SNTG2: variants seen among roughly 807,000 people sequenced by gnomAD.
The protein encoded by SNTG2 is gamma-2-syntrophin.
Under a neutral mutation model 70.9 loss-of-function variants are expected in SNTG2, and 74 were observed. That is an observed-to-expected ratio of 1.04 (90% CI 0.86 to 1.27). The LOEUF (loss-of-function observed/expected upper bound fraction) is 1.27. Ranked by LOEUF, SNTG2 falls within the 50% of genes most tolerant of loss-of-function variation. The pLI is 0.00. For synonymous variants in SNTG2, 278 were observed against 273.8 expected, an observed-to-expected ratio of 1.02 and a Z score of -0.15; for missense variants, 717 against 690.7, an observed-to-expected ratio of 1.04 and a Z score of -0.43.
chr2:1,276,227 T>C (rs138660920), intron 14 of SNTG2, among the ~76,000 whole-genome samples: 1,572 of 152,364 alleles, frequency 0.01, 14 homozygotes, highest in Admixed American at 0.021. Context: ...ACAATAGATT[T>C]TCCATGTAGA....
intron 2 of SNTG2, among the ~76,000 whole-genome samples, chr2:1,095,073 G>A (rs1665300342): frequency 6.6e-6 from 1 of 152,112 alleles, no homozygotes; most frequent in South Asian, 2.1e-4. Flanking sequence ...GAGAGAAAGA[G>A]CAAGAGAGAA....
intron 11 of SNTG2, among the ~76,000 whole-genome samples, chr2:1,243,485 G>T (rs1486969933): frequency 6.6e-6 from 1 of 152,168 alleles, no homozygotes; most frequent in Non-Finnish European, 1.5e-5. Context: ...GCTTGCTGCT[G>T]CCATGCTGGA....
intron 12 of SNTG2, among the ~76,000 whole-genome samples, chr2:1,254,029 A>G (rs2148148096): frequency 6.6e-6 from 1 of 152,310 alleles, no homozygotes; most frequent in South Asian, 2.1e-4. Context: ...CCAAAGGGCA[A>G]ATCCACCCCC....
intron 16 of SNTG2, among the ~76,000 whole-genome samples, chr2:1,359,544 C>T (rs1443326259): frequency 2.6e-5 from 4 of 152,098 alleles, no homozygotes; most frequent in African/African-American, 9.7e-5. Flanking sequence ...TCACTTTTGG[C>T]CTATGTGTGT....
chr2:1,124,525 T>C (rs945831603), intron 4 of SNTG2, among the ~76,000 whole-genome samples: 2 of 152,062 alleles, frequency 1.3e-5, no homozygotes, highest in African/African-American at 4.8e-5. Context: ...CTCGATCTCT[T>C]GACCTCATGA....
At chr2:1,035,269 C>G (rs1009762063) in intron 1 of SNTG2, among the ~76,000 whole-genome samples, 1 of 152,180 alleles carries the variant, frequency 6.6e-6, no homozygotes, top group Non-Finnish European at 1.5e-5. Flanking sequence ...TGCTGAGTGT[C>G]TGAGGCTCTT....
At chr2:1,018,629 G>A (rs552163129) in intron 1 of SNTG2, among the ~76,000 whole-genome samples, 2 of 152,136 alleles carry the variant, frequency 1.3e-5, no homozygotes, top group Non-Finnish European at 2.9e-5. Flanking sequence ...GAGCTGTTTA[G>A]ACCCAGGGCG....
At chr2:1,346,383 C>A (rs1452504080) in intron 16 of SNTG2, 6 of 152,278 alleles carry the variant, frequency 3.9e-5, no homozygotes, top group Non-Finnish European at 8.8e-5. Flanking sequence ...ACCCTGACCA[C>A]AGGGTGCACA....
At chr2:1,279,608 C>T (rs542855587) in intron 14 of SNTG2, among the ~76,000 whole-genome samples, 2 of 152,252 alleles carry the variant, frequency 1.3e-5, no homozygotes, top group South Asian at 2.1e-4. Flanking sequence ...TTTTTGTAAC[C>T]AGAAAAGTTT....
At chr2:1,269,291 C>G (rs1239149110) in intron 14 of SNTG2, among the ~76,000 whole-genome samples, 1 of 152,122 alleles carries the variant, frequency 6.6e-6, no homozygotes, top group African/African-American at 2.4e-5. Context: ...ATCCCTTGAG[C>G]CTCAGAATTA....
intron 1 of SNTG2, among the ~76,000 whole-genome samples, chr2:1,031,386 A>G (rs985256478): frequency 2.0e-5 from 3 of 151,414 alleles, no homozygotes; most frequent in Non-Finnish European, 1.5e-5. Context: ...CTCTAATTGT[A>G]GCTTCCTAAG....
At chr2:1,220,215 A>G (rs916124319) in intron 9 of SNTG2, among the ~76,000 whole-genome samples, 2 of 152,210 alleles carry the variant, frequency 1.3e-5, no homozygotes, top group Non-Finnish European at 2.9e-5. Context: ...GGGGCTTGTT[A>G]TGGAATGTGG....
chr2:1,366,663 C>T (rs1019078860), intron 16 of SNTG2, among the ~76,000 whole-genome samples: 1 of 152,320 alleles, frequency 6.6e-6, no homozygotes, highest in South Asian at 2.1e-4. Context: ...GGCCCCTCCT[C>T]GCTTCCCGCC....
At chr2:965,932 C>T (rs535718831) in intron 1 of SNTG2, among the ~76,000 whole-genome samples, 11 of 152,268 alleles carry the variant, frequency 7.2e-5, no homozygotes, top group Non-Finnish European at 1.3e-4. Flanking sequence ...ACCCTTAGGG[C>T]GGGCTGGGCC....
At chr2:1,284,324 T>C (rs1679680963) in intron 14 of SNTG2, among the ~76,000 whole-genome samples, 1 of 152,190 alleles carries the variant, frequency 6.6e-6, no homozygotes, top group African/African-American at 2.4e-5. Context: ...TCTCCAACTT[T>C]TAGCTGTTCA....
chr2:1,029,649 G>A (rs531035316), intron 1 of SNTG2, among the ~76,000 whole-genome samples: 4 of 152,158 alleles, frequency 2.6e-5, no homozygotes, highest in Non-Finnish European at 5.9e-5. Flanking sequence ...TTCTGGTCCC[G>A]TCTCATTCCT....
chr2:957,243 G>C (rs190215824), intron 1 of SNTG2, among the ~76,000 whole-genome samples: 58 of 149,046 alleles, frequency 3.9e-4, no homozygotes, highest in Admixed American at 4.1e-4. Flanking sequence ...AAACGATCAT[G>C]GTCTGCAGCA....
chr2:1,241,997 G>A (rs1451808288), intron 11 of SNTG2, among the ~76,000 whole-genome samples: 3 of 151,980 alleles, frequency 2.0e-5, no homozygotes, highest in Non-Finnish European at 4.4e-5. Flanking sequence ...GTAATTTAAG[G>A]TCCTTTTTAC....
chr2:1,121,596 C>G (rs1281449686), intron 4 of SNTG2, among the ~76,000 whole-genome samples: 1 of 152,030 alleles, frequency 6.6e-6, no homozygotes, highest in Non-Finnish European at 1.5e-5. Context: ...GCTGGGGAGG[C>G]GTCAGAAGAC....
Sources: allele counts gnomAD v4.1 joint callset (sites outside exome capture counted in the v4.1 genomes callset), GRCh38; gene constraint gnomAD v4.1.1; transcripts MANE v1.5; gene names NCBI Gene and HGNC (gene_info 2026-07-23, HGNC 2026-07-21).